RYR3: variants seen among roughly 807,000 people sequenced by gnomAD.
RYR3 encodes the protein ryanodine receptor 3.
In RYR3, 207 loss-of-function variants were observed where a neutral mutation model predicts 584.3. The ratio of observed to expected loss-of-function variants is 0.35; its 90% confidence interval spans 0.32 to 0.40. The LOEUF (loss-of-function observed/expected upper bound fraction) is 0.40, where lower values mean the gene tolerates loss of function less well. Ranked by LOEUF, RYR3 falls within the 10% of genes least tolerant of loss-of-function variation. The pLI is 1.00. For synonymous variants in RYR3, 2,416 were observed against 2,248.5 expected, an observed-to-expected ratio of 1.07 and a Z score of -2.11; for missense variants, 5,616 against 6,089.2, an observed-to-expected ratio of 0.92 and a Z score of 2.59.
chr15:33,767,004 A>T (rs549571918), intron 60 of RYR3, among the ~76,000 whole-genome samples: 1 of 152,378 alleles, frequency 6.6e-6, no homozygotes, highest in Admixed American at 6.5e-5. Context: ...AGCACTTCTG[A>T]CAATGAGATT....
intron 1 of RYR3, among the ~76,000 whole-genome samples, chr15:33,400,373 G>A (rs569107778): frequency 2.0e-5 from 3 of 152,030 alleles, no homozygotes; most frequent in Admixed American, 6.6e-5. Flanking sequence ...CCTTCCCCCC[G>A]CCACACACAC....
chr15:33,329,020 T>C (rs927096541), intron 1 of RYR3, among the ~76,000 whole-genome samples: 3 of 152,182 alleles, frequency 2.0e-5, no homozygotes, highest in African/African-American at 7.2e-5. Context: ...AGTACTCCAG[T>C]TAAAGGAAAT....
At chr15:33,384,499 A>G (rs888671417) in intron 1 of RYR3, among the ~76,000 whole-genome samples, 17 of 146,532 alleles carry the variant, frequency 1.2e-4, no homozygotes, top group Non-Finnish European at 2.4e-4. Context: ...TAATAATTAT[A>G]CTATTATTTT....
chr15:33,381,469 T>C (rs1332958452), intron 1 of RYR3, among the ~76,000 whole-genome samples: 3 of 152,176 alleles, frequency 2.0e-5, no homozygotes, highest in Non-Finnish European at 4.4e-5. Flanking sequence ...TCAGCCTTCT[T>C]TCCATCTCCC....
chr15:33,672,624 T>C (rs1199578787), intron 38 of RYR3, among the ~76,000 whole-genome samples: 1 of 152,202 alleles, frequency 6.6e-6, no homozygotes, highest in African/African-American at 2.4e-5. Context: ...AAATTGTTTT[T>C]AATATGATCA....
rs377219654 is a variant in RYR3, at chr15:33,742,471, C to T, written c.7899+27C>T. ...TAGGGATTATCATCCAACTGACAATCGTCAGGAAGGAAAAACAGCCCAAGA... is the reference window on the plus strand; with the variant it reads ...TAGGGATTATCATCCAACTGACAATTGTCAGGAAGGAAAAACAGCCCAAGA... On this transcript the variant is annotated intron_variant, in intron 52 of 103. Transcript: ENST00000634891. 3.4e-4 allele frequency: 501 copies of T among 1,489,884 alleles called. 1 individual carries two copies. Among genetic ancestry groups the T allele is most frequent in the Non-Finnish European group, 2.4e-4 (256 of 1,067,200 alleles). 92.3% of individuals were successfully genotyped at this position (1,489,884 alleles called of 1,614,324 possible). A position where few individuals can be genotyped will look rare whatever the true frequency, so the allele number is the denominator to read the frequency against.
chr15:33,701,549 C>T (rs16953951), intron 42 of RYR3, among the ~76,000 whole-genome samples: 3,314 of 152,132 alleles, frequency 0.022, 116 homozygotes, highest in African/African-American at 0.076. Context: ...GGCCTCACTA[C>T]GTCTTTTCCC....
rs183981568 is a variant in RYR3, at chr15:33,625,109, A to C, written c.2574+1086A>C. Among the ~76,000 whole-genome samples, 90 of 152,324 alleles carry C rather than the reference A, an allele frequency of 5.9e-4. 1 individual carries two copies. The highest frequency in any genetic ancestry group is 1.6e-3 in the African/African-American group (68 of 41,574). ...TGGCTGGGGAGGCCTCAGGAAACTT[A>C]AAATCATGGCGGAAGGTGAAGGAGA... is the stretch of plus-strand genomic sequence containing the variant. On this transcript the variant is annotated intron_variant, in intron 20 of 103. Coordinates refer to ENST00000634891, the MANE Select transcript of RYR3 (RefSeq NM_001036.6).
At position 33,859,591 on chromosome 15, in the gene RYR3, T is replaced by C; in HGVS notation, c.14159T>C (p.Met4720Thr). The C allele has an allele frequency of 6.2e-7, 1 of 1,614,016 alleles. No individual in the cohort carries two copies. The highest frequency in any genetic ancestry group is 8.5e-7 in the Non-Finnish European group (1 of 1,179,886). Reference sequence around the variant, plus strand: ...CTTCTCTAGTGTTACCTTTTCCACATGTACGTGGGAGTGAGAGCAGGAGGT... The same window carrying C: ...CTTCTCTAGTGTTACCTTTTCCACACGTACGTGGGAGTGAGAGCAGGAGGT... Reference protein sequence around the residue: ...DDMMTCYLFHMYVGVRAGGGI... With the variant: ...DDMMTCYLFHTYVGVRAGGGI... The change falls in exon 100 of 104, where the codon ATG (methionine) becomes ACG (threonine). Residue 4720 changes from methionine (M) to threonine (T), a missense_variant. By Grantham distance (81) the Met-to-Thr change is moderately conservative. This residue lies in a region of RYR3 where 918 missense variants were observed against 887.4 expected (regional missense o/e 1.03). Coordinates refer to ENST00000634891, the MANE Select transcript of RYR3 (RefSeq NM_001036.6).
chr15:33,359,322 C>T (rs1212377424), intron 1 of RYR3, among the ~76,000 whole-genome samples: 2 of 152,338 alleles, frequency 1.3e-5, no homozygotes, highest in East Asian at 1.9e-4. Flanking sequence ...AAATTCCTCA[C>T]CTACAGTCTT....
chr15:33,849,218 G>A (rs1403492241), intron 94 of RYR3: 1 of 152,230 alleles, frequency 6.6e-6, no homozygotes, highest in African/African-American at 2.4e-5. Flanking sequence ...ACATGGGCAG[G>A]TAAATAGAGC....
chr15:33,636,026 T>C (rs1306995764), intron 26 of RYR3, among the ~76,000 whole-genome samples: 1 of 152,180 alleles, frequency 6.6e-6, no homozygotes. Context: ...CCAAATCCTT[T>C]CTACAATCAC....
intron 1 of RYR3, among the ~76,000 whole-genome samples, chr15:33,334,033 G>A (rs572540481): frequency 6.6e-6 from 1 of 152,284 alleles, no homozygotes. Flanking sequence ...AATCAGAGAT[G>A]TCACAAACAA....
intron 91 of RYR3, among the ~76,000 whole-genome samples, chr15:33,843,146 C>T (rs1047576719): frequency 2.6e-5 from 4 of 151,794 alleles, no homozygotes; most frequent in East Asian, 1.9e-4. Flanking sequence ...AGTGAAACCC[C>T]GTCTCTAGTA....
chr15:33,523,366 TG>T (rs905658030), intron 3 of RYR3, among the ~76,000 whole-genome samples: 2 of 152,122 alleles, frequency 1.3e-5, no homozygotes, highest in Non-Finnish European at 2.9e-5. Flanking sequence ...CTTTATGAGC[TG>T]TAACACTCAC....
In RYR3 at chr15:33,584,448, G is replaced by C; in HGVS notation, c.1627G>C (p.Asp543His). Residue 543 changes from aspartate to histidine, a missense_variant, in exon 15 of 104, where the codon GAT (aspartate) becomes CAT (histidine). This residue lies in a region of RYR3 where 1,284 missense variants were observed against 1,344.6 expected (regional missense o/e 0.95). Transcript: ENST00000634891. The stretch of plus-strand genomic sequence containing the variant: ...TTGCGCTCAATTCTCCAATAACCTT[G>C]ATTGGCTCATCAGTAAATTGGACAG... ...NNCAQFSNNL[D>H]WLISKLDRLE... 1 of 1,605,224 alleles carries C rather than the reference G, an allele frequency of 6.2e-7. No individual in the cohort carries two copies. The highest frequency in any genetic ancestry group is 1.3e-5 in the African/African-American group (1 of 74,780).
chr15:33,720,147 C>G (rs538542836), intron 43 of RYR3, among the ~76,000 whole-genome samples: 2 of 152,322 alleles, frequency 1.3e-5, no homozygotes, highest in African/African-American at 4.8e-5. Context: ...CTACGCAACT[C>G]TAAAACTTAG....
Position 33,811,907 on chromosome 15 carries a change from A to C in RYR3, c.10257+870A>C, listed in dbSNP as rs746723188. Among the ~76,000 whole-genome samples, 173 of 152,324 alleles carry C rather than the reference A, an allele frequency of 1.1e-3. 1 individual carries two copies. The highest frequency in any genetic ancestry group is 3.4e-3 in the Middle Eastern group (1 of 294). ...TCTGAACAACTCTTACCTCAGATAC[A>C]TTATGCCCTGAGATGGAGAACTAAG... is the stretch of plus-strand genomic sequence containing the variant. On this transcript the variant is annotated intron_variant, in intron 72 of 103. Transcript: ENST00000634891.
chr15:33,738,954 G>A (rs537032428), intron 50 of RYR3, among the ~76,000 whole-genome samples: 4 of 152,238 alleles, frequency 2.6e-5, no homozygotes, highest in South Asian at 4.2e-4. Flanking sequence ...CACTAGGCTC[G>A]AGCCAAGAGG....
Sources: allele counts gnomAD v4.1 joint callset (sites outside exome capture counted in the v4.1 genomes callset), GRCh38; gene constraint gnomAD v4.1.1; regional missense constraint gnomAD v4.1.1; transcripts MANE v1.5; gene names NCBI Gene and HGNC (gene_info 2026-07-23, HGNC 2026-07-21).